The following ZCWPW2 variants were observed in gnomAD, a reference collection of about 807,000 sequenced individuals.
ZCWPW2 encodes the protein zinc finger CW-type PWWP domain protein 2.
ZCWPW2 carries 45 observed loss-of-function variants against 46.6 expected under a neutral mutation model. The ratio of observed to expected loss-of-function variants is 0.96; its 90% confidence interval spans 0.76 to 1.24. The LOEUF is 1.24. Ranked by LOEUF, ZCWPW2 falls within the 50% of genes most tolerant of loss-of-function variation. The pLI is 0.00. For missense variants in ZCWPW2, 429 were observed against 403.9 expected (o/e 1.06, Z -0.53); for synonymous variants, 152 against 137.1 (o/e 1.11, Z -0.76).
chr3:28,515,717 G>A lies in ZCWPW2; in HGVS notation c.784+96G>A, dbSNP rs545200237. ...TTTGAAGGAAAAAAAAAGATTTCCT[G>A]TGTGTGTGTGTGTGTGTGTGTGTGT... is the stretch of plus-strand genomic sequence containing the variant. On this transcript the variant is annotated intron_variant, in intron 8 of 9. Transcript: ENST00000383768. The A allele has an allele frequency of 2.8e-3, 416 of 149,538 alleles. 2 individuals are homozygous for A. The highest frequency in any genetic ancestry group is 0.013 in the African/African-American group (240 of 19,176). 9.3% of individuals were successfully genotyped at this position (149,538 alleles called of 1,614,324 possible).
intron 4 of ZCWPW2, chr3:28,448,042 T>A: frequency 2.7e-6 from 1 of 365,688 alleles, no homozygotes; most frequent in Non-Finnish European, 5.3e-6. Context: ...TGTGAAATTG[T>A]TTAAGGTACA....
chr3:28,521,316 T>A (rs554041996), intron 9 of ZCWPW2, among the ~76,000 whole-genome samples, 200 bp downstream of exon 9: 35 of 152,132 alleles, frequency 2.3e-4, no homozygotes, highest in Non-Finnish European at 4.3e-4. Flanking sequence ...TGAAAAACAA[T>A]CTGTGTTTAA....
chr3:28,524,440 G>A, intron 9 of ZCWPW2, 87 bp from the exon 10 acceptor site: 1 of 1,389,316 alleles, frequency 7.2e-7, no homozygotes, highest in Non-Finnish European at 9.9e-7. Context: ...TGTAGCTAAT[G>A]TGGCTTGCAG....
intron 1 of ZCWPW2, among the ~76,000 whole-genome samples, chr3:28,357,079 A>G (rs1334643842): frequency 3.3e-5 from 5 of 152,176 alleles, no homozygotes; most frequent in African/African-American, 1.2e-4. Context: ...ATAAAGAAAA[A>G]AAAATCCATT....
At chr3:28,441,041 G>A (rs767330857) in intron 4 of ZCWPW2, among the ~76,000 whole-genome samples, 12 of 152,180 alleles carry the variant, frequency 7.9e-5, no homozygotes, top group African/African-American at 1.4e-4. Context: ...ATGTTGCTGA[G>A]CCCATGCATA....
At chr3:28,351,560 T>C (rs1243427208) in intron 1 of ZCWPW2, 2 of 151,794 alleles carry the variant, frequency 1.3e-5, no homozygotes, top group Non-Finnish European at 2.9e-5. Context: ...AAACCTTTTT[T>C]TTTCTTAAAT....
intron 1 of ZCWPW2, among the ~76,000 whole-genome samples, chr3:28,374,034 T>C (rs1705424191): frequency 6.6e-6 from 1 of 152,158 alleles, no homozygotes; most frequent in African/African-American, 2.4e-5. Flanking sequence ...TTGCCTGTGC[T>C]TTTGCTGTCT....
Position 28,433,212 on chromosome 3 carries a change from A to T in ZCWPW2, c.333-1898A>T, listed in dbSNP as rs548766038. Among the ~76,000 whole-genome samples, 3 of 152,308 alleles carry T rather than the reference A, an allele frequency of 2.0e-5. No homozygotes were observed. In the East Asian group the frequency reaches 5.8e-4, roughly 29 times the overall value. On this transcript the variant is annotated intron_variant, in intron 3 of 9. Coordinates refer to ENST00000383768, the MANE Select transcript of ZCWPW2 (RefSeq NM_001040432.4). The stretch of plus-strand genomic sequence containing the variant: ...CTTAACCAGCAAGGAAATGTAATTT[A>T]TGAGGCTGAATATTCCATCTTTGGG...
At chr3:28,504,388 A>G (rs1018693088) in intron 6 of ZCWPW2, among the ~76,000 whole-genome samples, 6 of 152,100 alleles carry the variant, frequency 3.9e-5, no homozygotes, top group African/African-American at 1.4e-4. Context: ...TATGAGAGAG[A>G]TCTTCTTATG....
intron 3 of ZCWPW2, among the ~76,000 whole-genome samples, chr3:28,414,280 C>T (rs6765525): frequency 0.54 from 81,286 of 150,858 alleles, 22,329 homozygotes; most frequent in African/African-American, 0.58. Flanking sequence ...TTTAGTCTTT[C>T]TTGTCAAAAT....
chr3:28,471,799 C>T (rs1432247700), intron 4 of ZCWPW2, among the ~76,000 whole-genome samples: 1 of 152,124 alleles, frequency 6.6e-6, no homozygotes, highest in Non-Finnish European at 1.5e-5. Context: ...TCCTTGTTTG[C>T]AGGTGATATC....
chr3:28,433,499 G>C (rs1016919108), intron 3 of ZCWPW2, among the ~76,000 whole-genome samples: 4 of 152,182 alleles, frequency 2.6e-5, no homozygotes, highest in African/African-American at 9.7e-5. Flanking sequence ...GGGTGCAGTG[G>C]CTCATGCCTG....
intron 5 of ZCWPW2, among the ~76,000 whole-genome samples, chr3:28,481,885 G>A (rs1430803168): frequency 6.6e-6 from 1 of 152,104 alleles, no homozygotes; most frequent in Non-Finnish European, 1.5e-5. Context: ...AGTACAGAGA[G>A]TTCCCATATA....
At chr3:28,490,071 CT>C (rs1699754165) in intron 5 of ZCWPW2, among the ~76,000 whole-genome samples, 1 of 152,008 alleles carries the variant, frequency 6.6e-6, no homozygotes, top group Non-Finnish European at 1.5e-5. Flanking sequence ...TGAAAAAATG[CT>C]CAACATCACT....
In ZCWPW2 at chr3:28,413,153, G is replaced by A; in HGVS notation, c.85G>A (p.Val29Met). Residue 29 changes from valine (V) to methionine (M), a missense_variant, in exon 3 of 10, where the codon GTG becomes ATG. Val to Met is a conservative substitution (Grantham distance 21, BLOSUM62 1). Transcript: ENST00000383768. ...SSVENMYVNK[V>M]WVQCENENCL... Reference sequence around the variant, plus strand: ...AGTGGAAAACATGTATGTAAACAAAGTGTGGGTTCAATGTGAGAATGAAAA... The same window carrying A: ...AGTGGAAAACATGTATGTAAACAAAATGTGGGTTCAATGTGAGAATGAAAA... 6.2e-7 allele frequency: 1 copy of A among 1,613,268 alleles called. No individual in the cohort carries two copies. Among genetic ancestry groups the A allele is most frequent in the Non-Finnish European group, 8.5e-7 (1 of 1,179,500 alleles).
At chr3:28,433,651 G>A (rs1697360269) in intron 3 of ZCWPW2, among the ~76,000 whole-genome samples, 1 of 151,862 alleles carries the variant, frequency 6.6e-6, no homozygotes, top group Non-Finnish European at 1.5e-5. Context: ...AGTTACTCGG[G>A]AGACTGAGGC....
rs867724741 is a variant in ZCWPW2, at chr3:28,478,840, G to A, written c.519G>A (p.Lys173=). ...LKPEKCKNKK[K]WYKSALQEAC... ...CAGAAAAGTGTAAGAATAAAAAGAA[G>A]TGGTATAAAAGTGCACTACAAGAAG... is the stretch of plus-strand genomic sequence containing the variant. The change falls in exon 5 of 10, where the codon AAG becomes AAA. Residue 173 remains lysine (K), a synonymous_variant. Coordinates refer to ENST00000383768, the MANE Select transcript of ZCWPW2 (RefSeq NM_001040432.4). The A allele has an allele frequency of 3.4e-5, 53 of 1,556,352 alleles. No individual in the cohort carries two copies. The highest frequency in any genetic ancestry group is 4.5e-5 in the Non-Finnish European group (52 of 1,156,696).
chr3:28,360,095 A>G (rs766513535), intron 1 of ZCWPW2, among the ~76,000 whole-genome samples: 21 of 152,110 alleles, frequency 1.4e-4, no homozygotes, highest in African/African-American at 5.1e-4. Flanking sequence ...GATGCATGGG[A>G]AAGAGTGAAG....
chr3:28,424,173 C>A (rs1417763374), intron 3 of ZCWPW2, among the ~76,000 whole-genome samples: 1 of 151,348 alleles, frequency 6.6e-6, no homozygotes, highest in African/African-American at 2.4e-5. Flanking sequence ...CAACTATTCT[C>A]CATGAAGAAA....
Sources: allele counts gnomAD v4.1 joint callset (sites outside exome capture counted in the v4.1 genomes callset), GRCh38; gene constraint gnomAD v4.1.1; transcripts MANE v1.5; gene names NCBI Gene and HGNC (gene_info 2026-07-23, HGNC 2026-07-21).